The following KDELR2 variants were observed in gnomAD, a reference collection of about 807,000 sequenced individuals.
KDELR2 encodes ER lumen protein-retaining receptor 2.
KDELR2 carries 15 observed loss-of-function variants against 23.9 expected under a neutral mutation model. That is an observed-to-expected ratio of 0.63 (90% CI 0.42 to 0.97). The LOEUF (loss-of-function observed/expected upper bound fraction) is 0.97, where lower values mean the gene tolerates loss of function less well. Among genes scored for constraint, KDELR2 ranks in the 50% least tolerant of loss-of-function variants. The probability of loss-of-function intolerance (pLI) is 0.00; values close to 1 mark genes in which losing one functional copy is unlikely to be tolerated. For missense variants in KDELR2, 272 were observed against 254.6 expected (o/e 1.07, Z -0.46); for synonymous variants, 119 against 106.2 (o/e 1.12, Z -0.74).
At chr7:6,482,356 T>A (rs1346936532) in intron 1 of KDELR2, 1 of 268,342 alleles carries the variant, frequency 3.7e-6, no homozygotes, top group African/African-American at 2.2e-5. Context: ...CTCGGCTGAC[T>A]ACTTGATATA....
intron 2 of KDELR2, chr7:6,470,415 T>C (rs1479818314): frequency 1.3e-5 from 2 of 152,150 alleles, no homozygotes; most frequent in Non-Finnish European, 1.5e-5. Flanking sequence ...TGAGTGGGTG[T>C]GGGTGAGCGC....
At chr7:6,471,317 G>A (rs1429119708) in intron 2 of KDELR2, among the ~76,000 whole-genome samples, 3 of 150,690 alleles carry the variant, frequency 2.0e-5, no homozygotes, top group Non-Finnish European at 4.4e-5. Flanking sequence ...AAGTAGCTGG[G>A]ATTACAAGCG....
chr7:6,463,493 G>A (rs1176052641), intron 4 of KDELR2, among the ~76,000 whole-genome samples: 2 of 152,112 alleles, frequency 1.3e-5, no homozygotes, highest in Non-Finnish European at 2.9e-5. Context: ...TACTTTGGCA[G>A]GCCAGGGTGG....
chr7:6,470,978 G>A (rs1036956523), intron 2 of KDELR2, among the ~76,000 whole-genome samples: 2 of 151,460 alleles, frequency 1.3e-5, no homozygotes, highest in South Asian at 2.1e-4. Context: ...TTAGCCGGGC[G>A]TGGTGGCGGG....
At chr7:6,476,417 A>AG (rs367593342) in intron 1 of KDELR2, among the ~76,000 whole-genome samples, 60 of 152,338 alleles carry the variant, frequency 3.9e-4, no homozygotes, top group African/African-American at 1.4e-3. Flanking sequence ...GAGGTTTCAG[A>AG]GGGGGAAGAA....
intron 1 of KDELR2, among the ~76,000 whole-genome samples, chr7:6,476,326 G>A (rs144352868): frequency 1.1e-3 from 166 of 152,066 alleles, no homozygotes; most frequent in East Asian, 7.0e-3. Context: ...TCTTTTCCCC[G>A]TAACGGATAA....
intron 3 of KDELR2, among the ~76,000 whole-genome samples, chr7:6,468,357 T>A (rs1449320607): frequency 6.6e-6 from 1 of 152,062 alleles, no homozygotes; most frequent in East Asian, 1.9e-4. Context: ...TTAGATGGAG[T>A]CTTGCTCTGT....
chr7:6,478,491 C>A (rs556809369), intron 1 of KDELR2, among the ~76,000 whole-genome samples: 14 of 152,258 alleles, frequency 9.2e-5, no homozygotes, highest in African/African-American at 2.6e-4. Flanking sequence ...TCCTTTCATG[C>A]TTCATTGGTC....
intron 2 of KDELR2, among the ~76,000 whole-genome samples, chr7:6,472,160 C>T (rs1390598492): frequency 6.6e-6 from 1 of 151,808 alleles, no homozygotes; most frequent in African/African-American, 2.4e-5. Flanking sequence ...AATCTACATG[C>T]ATAAACAAGA....
chr7:6,476,735 C>T (rs555554857), intron 1 of KDELR2, among the ~76,000 whole-genome samples: 1 of 152,264 alleles, frequency 6.6e-6, no homozygotes, highest in African/African-American at 2.4e-5. Flanking sequence ...TGAAGATACC[C>T]TCCCTCAGGA....
Position 6,466,327 on chromosome 7 carries a change from G to C in KDELR2, c.352-4C>G. ...AGATGGAGAAGGTCCAGAGGATCTG[G>C]AAGAGAAATGGCAAGCTTCCATCAC... is the stretch of plus-strand genomic sequence containing the variant. On this transcript the variant is annotated splice_polypyrimidine_tract_variant and splice_region_variant and intron_variant, in intron 3 of 4. Coordinates refer to ENST00000258739, the MANE Select transcript of KDELR2 (RefSeq NM_006854.4). 2 of 1,612,590 alleles carry C rather than the reference G, an allele frequency of 1.2e-6. No individual in the cohort carries two copies. Among genetic ancestry groups the C allele is most frequent in the Non-Finnish European group, 1.7e-6 (2 of 1,179,278 alleles).
At chr7:6,477,517 C>G (rs1459122538) in intron 1 of KDELR2, among the ~76,000 whole-genome samples, 3 of 152,198 alleles carry the variant, frequency 2.0e-5, no homozygotes, top group Non-Finnish European at 4.4e-5. Flanking sequence ...AGAATACTCA[C>G]TTTTGTAAAT....
intron 3 of KDELR2, among the ~76,000 whole-genome samples, chr7:6,468,991 G>A (rs976819607): frequency 4.0e-5 from 6 of 148,854 alleles, no homozygotes; most frequent in Admixed American, 3.4e-4. Context: ...TTACTCTCTC[G>A]CCCAGGCTGG....
intron 1 of KDELR2, 76 bp downstream of exon 1, chr7:6,483,891 T>A: frequency 8.3e-7 from 1 of 1,202,120 alleles, no homozygotes; most frequent in Non-Finnish European, 1.1e-6. Flanking sequence ...AGCCGTGGGG[T>A]GGCCGAGGTC....
chr7:6,483,465 T>A (rs1785953335), intron 1 of KDELR2, among the ~76,000 whole-genome samples: 1 of 152,012 alleles, frequency 6.6e-6, no homozygotes, highest in South Asian at 2.1e-4. Context: ...GGGAGCCGAG[T>A]GACCTCTCCC....
chr7:6,478,163 G>T (rs1423102298), intron 1 of KDELR2, among the ~76,000 whole-genome samples: 2 of 147,840 alleles, frequency 1.4e-5, no homozygotes, highest in Non-Finnish European at 3.0e-5. Flanking sequence ...CCGCCCCCCG[G>T]TTTTTTTTTT....
At chr7:6,473,558 A>T (rs1785696005) in intron 2 of KDELR2, among the ~76,000 whole-genome samples, 1 of 152,246 alleles carries the variant, frequency 6.6e-6, no homozygotes. Context: ...AAAAAATATA[A>T]GAAAGACAAC....
At chr7:6,478,162 G>A (rs974784136) in intron 1 of KDELR2, among the ~76,000 whole-genome samples, 6 of 151,450 alleles carry the variant, frequency 4.0e-5, no homozygotes, top group African/African-American at 9.7e-5. Flanking sequence ...CCCGCCCCCC[G>A]GTTTTTTTTT....
intron 3 of KDELR2, among the ~76,000 whole-genome samples, chr7:6,468,029 A>G (rs1241921442): frequency 6.6e-6 from 1 of 152,230 alleles, no homozygotes; most frequent in Non-Finnish European, 1.5e-5. Flanking sequence ...AATGTGGGCT[A>G]CAGGAGGGAG....
Sources: allele counts gnomAD v4.1 joint callset (sites outside exome capture counted in the v4.1 genomes callset), GRCh38; gene constraint gnomAD v4.1.1; transcripts MANE v1.5; gene names NCBI Gene and HGNC (gene_info 2026-07-23, HGNC 2026-07-21).